The following NBEA variants were observed in gnomAD, a reference collection of about 807,000 sequenced individuals.
The protein encoded by NBEA is lysosomal-trafficking regulator 2.
Under a neutral mutation model 343.4 loss-of-function variants are expected in NBEA, and 44 were observed. The observed-to-expected ratio is 0.13, with a 90% CI of 0.10 to 0.16. The LOEUF is 0.16. NBEA is among the 10% of genes least tolerant of loss of function. The probability of loss-of-function intolerance (pLI) is 1.00; values close to 1 mark genes in which losing one functional copy is unlikely to be tolerated. For synonymous variants in NBEA, 1,175 were observed against 1,238.7 expected (o/e 0.95, Z 1.08); for missense variants, 2,555 against 3,631.3 (o/e 0.70, Z 7.62).
intron 48 of NBEA, among the ~76,000 whole-genome samples, chr13:35,624,043 TGTGTGTGTGTGG>T (rs1205386822): frequency 1.6e-5 from 2 of 123,804 alleles, no homozygotes; most frequent in Admixed American, 7.6e-5. Flanking sequence ...TGTATATGCC[TGTGTGTGTGTGG>T]GTGTGTGTGT....
intron 55 of NBEA, among the ~76,000 whole-genome samples, chr13:35,661,496 C>T (rs142192061): frequency 6.6e-4 from 101 of 152,296 alleles, no homozygotes; most frequent in African/African-American, 2.4e-3. Context: ...GAAACCACAT[C>T]ATGGGTGAAT....
At chr13:35,492,112 T>C (rs921836657) in intron 41 of NBEA, among the ~76,000 whole-genome samples, 10 of 151,908 alleles carry the variant, frequency 6.6e-5, no homozygotes, top group African/African-American at 2.4e-4. Flanking sequence ...CCAAACATTG[T>C]ATGTTCTCAC....
At chr13:35,122,464 G>T (rs1186123708) in intron 16 of NBEA, among the ~76,000 whole-genome samples, 1 of 150,768 alleles carries the variant, frequency 6.6e-6, no homozygotes, top group Non-Finnish European at 1.5e-5. Context: ...GCAAACTACC[G>T]CTAGGACAAA....
intron 53 of NBEA, among the ~76,000 whole-genome samples, chr13:35,654,003 A>C (rs750459662): frequency 6.6e-6 from 1 of 152,244 alleles, no homozygotes; most frequent in South Asian, 2.1e-4. Flanking sequence ...GTTAGTAGAT[A>C]TCTACAGATA....
rs908527596 is a variant in NBEA at position 35,352,913 on chromosome 13, A to ATTG, written c.6179+611_6179+613dup. Among the ~76,000 whole-genome samples, 449 of 151,978 alleles carry ATTG rather than the reference A, an allele frequency of 3.0e-3. 2 individuals are homozygous for ATTG. The highest frequency in any genetic ancestry group is 8.2e-3 in the African/African-American group (339 of 41,472). On this transcript the variant is annotated intron_variant, in intron 38 of 58. Coordinates refer to ENST00000379939, the MANE Select transcript of NBEA (RefSeq NM_001385012.1). ...CCTAAAGTTTTGTGGACATACAATTATTGTTGTTGTTGTTGTTGTTGTTAT... is the reference window on the plus strand; with the variant it reads ...CCTAAAGTTTTGTGGACATACAATTATTGTTGTTGTTGTTGTTGTTGTTGTTAT...
At chr13:35,631,331 C>T in intron 49 of NBEA, among the ~76,000 whole-genome samples, 1 of 152,136 alleles carries the variant, frequency 6.6e-6, no homozygotes, top group East Asian at 1.9e-4. Flanking sequence ...AGGTCTTGTA[C>T]TGCTGTGTTG....
In NBEA at chr13:35,414,329, C is replaced by A. The variant is rs552250386; in HGVS notation, c.6180-17940C>A. 2.0e-5 allele frequency among the ~76,000 whole-genome samples: 3 copies of A among 152,138 alleles called. No individual in the cohort carries two copies. In the South Asian group the frequency reaches 6.2e-4, roughly 32 times the overall value. ...ATGCGCCATGTTGGTGTGCTGCACT[C>A]GTTAACTCGTCATTTACATTAGGTA... On this transcript the variant is annotated intron_variant, in intron 38 of 58. Transcript: ENST00000379939.
chr13:35,424,598 G>T (rs950388938), intron 38 of NBEA, among the ~76,000 whole-genome samples: 4 of 152,144 alleles, frequency 2.6e-5, no homozygotes, highest in African/African-American at 7.2e-5. Context: ...AAGGATATTG[G>T]TCTAAAATTC....
intron 41 of NBEA, among the ~76,000 whole-genome samples, chr13:35,495,279 G>A (rs1435876035): frequency 6.6e-6 from 1 of 151,772 alleles, no homozygotes; most frequent in Non-Finnish European, 1.5e-5. Flanking sequence ...CATACAAAGA[G>A]AAACACTTTG....
chr13:35,221,846 G>A (rs1223334012), intron 33 of NBEA, among the ~76,000 whole-genome samples: 1 of 151,974 alleles, frequency 6.6e-6, no homozygotes, highest in Non-Finnish European at 1.5e-5. Context: ...AAATTTTGTT[G>A]AATTTCAATC....
chr13:35,273,935 T>C (rs929833657), intron 34 of NBEA, among the ~76,000 whole-genome samples: 1 of 152,154 alleles, frequency 6.6e-6, no homozygotes, highest in Non-Finnish European at 1.5e-5. Context: ...CTACCAGATA[T>C]ACAAAGAAGA....
intron 41 of NBEA, among the ~76,000 whole-genome samples, chr13:35,540,677 G>T (rs1305591122): frequency 6.6e-6 from 1 of 152,056 alleles, no homozygotes; most frequent in Non-Finnish European, 1.5e-5. Context: ...AAAATATTTT[G>T]CTCAACAAAA....
intron 17 of NBEA, among the ~76,000 whole-genome samples, chr13:35,128,920 A>G (rs1156392582): frequency 3.3e-5 from 5 of 152,096 alleles, no homozygotes; most frequent in Non-Finnish European, 7.4e-5. Context: ...GAAAGCATGG[A>G]TGAAAAATAG....
intron 8 of NBEA, among the ~76,000 whole-genome samples, chr13:35,060,564 A>T (rs2063430152): frequency 1.3e-5 from 2 of 151,750 alleles, no homozygotes; most frequent in African/African-American, 2.4e-5. Context: ...TATTTTATTA[A>T]GTTTTGAAAG....
intron 41 of NBEA, among the ~76,000 whole-genome samples, chr13:35,526,928 A>G (rs1281232836): frequency 6.6e-6 from 1 of 152,094 alleles, no homozygotes; most frequent in African/African-American, 2.4e-5. Context: ...AGAAGCTGGT[A>G]GACACCAGGA....
At chr13:35,565,057 C>G (rs775772816) in intron 44 of NBEA, among the ~76,000 whole-genome samples, 32 of 152,274 alleles carry the variant, frequency 2.1e-4, no homozygotes, top group Admixed American at 7.8e-4. Context: ...CAATGTATAT[C>G]AGGTGTAATA....
At chr13:35,489,403 C>G (rs1566212279) in intron 41 of NBEA, among the ~76,000 whole-genome samples, 1 of 151,818 alleles carries the variant, frequency 6.6e-6, no homozygotes, top group Non-Finnish European at 1.5e-5. Flanking sequence ...CCAGCTGACC[C>G]AAGTGCATTC....
chr13:35,547,772 C>A (rs2079127224), intron 41 of NBEA, among the ~76,000 whole-genome samples: 1 of 152,066 alleles, frequency 6.6e-6, no homozygotes, highest in African/African-American at 2.4e-5. Flanking sequence ...ATCTGTAATT[C>A]CAGCTACTTG....
intron 41 of NBEA, among the ~76,000 whole-genome samples, chr13:35,515,073 A>G (rs2077431803): frequency 6.6e-6 from 1 of 152,186 alleles, no homozygotes; most frequent in Admixed American, 6.5e-5. Flanking sequence ...TGTTTGTAGG[A>G]TGATATACTG....
Sources: gnomAD v4.1 joint callset for allele counts (sites outside exome capture counted in the v4.1 genomes callset) on GRCh38, gnomAD v4.1.1 for gene constraint, MANE v1.5 for transcripts, NCBI Gene and HGNC (gene_info 2026-07-23, HGNC 2026-07-21) for gene names.